The following BRD10 variants were observed in gnomAD, a reference collection of about 807,000 sequenced individuals.
BRD10 encodes uncharacterized bromodomain-containing protein 10.
chr9:5,922,466 G>C, the BRD10 span: 4 of 1,613,942 alleles, frequency 2.5e-6, no homozygotes, highest in Non-Finnish European at 2.5e-6. Context: ...ACTTATATTT[G>C]ATAAAGGTGT....
the BRD10 span, among the ~76,000 whole-genome samples, chr9:5,943,519 A>T: frequency 4.0e-5 from 6 of 151,758 alleles, no homozygotes; most frequent in South Asian, 1.2e-3. Context: ...TAAGGAACAG[A>T]ATTAGTCCTT....
At chr9:5,925,528 T>TA in the BRD10 span, among the ~76,000 whole-genome samples, 5 of 152,088 alleles carry the variant, frequency 3.3e-5, no homozygotes, top group African/African-American at 1.2e-4. Flanking sequence ...GTCTTAAAAT[T>TA]ACTGACTATA....
the BRD10 span, among the ~76,000 whole-genome samples, chr9:5,967,403 A>G: frequency 6.6e-6 from 1 of 152,198 alleles, no homozygotes; most frequent in Non-Finnish European, 1.5e-5. Flanking sequence ...CTGTTGACAA[A>G]TATATAGGGC....
At chr9:5,908,717 G>A in the BRD10 span, 7 of 1,606,400 alleles carry the variant, frequency 4.4e-6, no homozygotes, top group East Asian at 2.2e-5. Context: ...AAGAGCCAGC[G>A]AGACACCTGA....
At chr9:5,936,192 C>T in the BRD10 span, among the ~76,000 whole-genome samples, 1 of 152,010 alleles carries the variant, frequency 6.6e-6, no homozygotes, top group African/African-American at 2.4e-5. Flanking sequence ...CCTGTCTCTA[C>T]AAAATATCCA....
At chr9:5,956,559 T>C in the BRD10 span, among the ~76,000 whole-genome samples, 2 of 152,178 alleles carry the variant, frequency 1.3e-5, no homozygotes, top group African/African-American at 4.8e-5. Context: ...GAGAATTAAA[T>C]GGGTTATAAC....
At chr9:5,978,449 G>A in the BRD10 span, among the ~76,000 whole-genome samples, 2 of 149,908 alleles carry the variant, frequency 1.3e-5, no homozygotes, top group Non-Finnish European at 3.0e-5. Context: ...CAAATTGATG[G>A]CATGAAAAAG....
chr9:5,903,744 A>G, the BRD10 span, among the ~76,000 whole-genome samples: 3 of 152,200 alleles, frequency 2.0e-5, no homozygotes, highest in Non-Finnish European at 2.9e-5. Flanking sequence ...CTTTATCGTT[A>G]TGTAATATCC....
At chr9:5,893,755 G>A in the BRD10 span, among the ~76,000 whole-genome samples, 1 of 152,070 alleles carries the variant, frequency 6.6e-6, no homozygotes, top group Non-Finnish European at 1.5e-5. Context: ...TCTTCTTGCT[G>A]GTTACTCCCT....
At chr9:5,955,378 T>C in the BRD10 span, among the ~76,000 whole-genome samples, 5 of 152,160 alleles carry the variant, frequency 3.3e-5, no homozygotes, top group Non-Finnish European at 5.9e-5. Flanking sequence ...TCCACTTAAA[T>C]GTCAATATTT....
At chr9:5,950,189 C>G in the BRD10 span, among the ~76,000 whole-genome samples, 1 of 152,110 alleles carries the variant, frequency 6.6e-6, no homozygotes, top group African/African-American at 2.4e-5. Flanking sequence ...AGACCAAATC[C>G]AAGATTTATT....
At chr9:5,919,466 AGT>A in the BRD10 span, 1,824 of 482,228 alleles carry the variant, frequency 3.8e-3, 9 homozygotes, top group Non-Finnish European at 5.1e-3. Context: ...TCCTCAGAAC[AGT>A]AAGTGAAATG....
chr9:5,879,785 C>G, the BRD10 span, among the ~76,000 whole-genome samples: 3 of 152,184 alleles, frequency 2.0e-5, no homozygotes, highest in Non-Finnish European at 4.4e-5. Flanking sequence ...TATTTACCTG[C>G]AGAATGTCAG....
At chr9:5,925,819 T>C in the BRD10 span, among the ~76,000 whole-genome samples, 2 of 152,216 alleles carry the variant, frequency 1.3e-5, no homozygotes, top group Admixed American at 6.5e-5. Context: ...AGATCCTTCA[T>C]TATTCCTTTT....
At chr9:5,902,817 T>G in the BRD10 span, among the ~76,000 whole-genome samples, 10 of 152,188 alleles carry the variant, frequency 6.6e-5, no homozygotes, top group African/African-American at 2.4e-4. Context: ...GATTTCTTGT[T>G]TTCAATTTCA....
the BRD10 span, among the ~76,000 whole-genome samples, chr9:5,950,480 G>A: frequency 6.6e-6 from 1 of 152,142 alleles, no homozygotes; most frequent in Non-Finnish European, 1.5e-5. Context: ...GGTAGAGCTG[G>A]CATTCAAACC....
At chr9:6,008,158 G>A in the BRD10 span, 3 of 973,388 alleles carry the variant, frequency 3.1e-6, no homozygotes, top group Non-Finnish European at 3.7e-6. Context: ...ACCCCCTCCC[G>A]GGCCAGCGGG....
At chr9:5,936,681 A>G in the BRD10 span, among the ~76,000 whole-genome samples, 1 of 152,182 alleles carries the variant, frequency 6.6e-6, no homozygotes. Flanking sequence ...GTTTTGACAT[A>G]ATTTCCCAAC....
chr9:5,913,535 T>C, the BRD10 span, among the ~76,000 whole-genome samples: 3 of 152,048 alleles, frequency 2.0e-5, no homozygotes, highest in Admixed American at 2.0e-4. Flanking sequence ...GAATAAAAAG[T>C]GTGAGAAACG....
Sources: allele counts gnomAD v4.1 joint callset (sites outside exome capture counted in the v4.1 genomes callset), GRCh38; gene constraint gnomAD v4.1.1; transcripts MANE v1.5; gene names NCBI Gene and HGNC (gene_info 2026-07-23, HGNC 2026-07-21).